Variants in MAST4 observed in about 807,000 individuals in gnomAD.
The protein encoded by MAST4 is microtubule associated serine/threonine kinase family member 4.
In MAST4, 89 loss-of-function variants were observed where a neutral mutation model predicts 162.7. The ratio of observed to expected loss-of-function variants is 0.55; its 90% confidence interval spans 0.46 to 0.65. The LOEUF is 0.65. Ranked by LOEUF, MAST4 falls within the 30% of genes least tolerant of loss-of-function variation. The pLI is 0.00. For missense variants in MAST4, 3,153 were observed against 3,374.0 expected (o/e 0.93, Z 1.62); for synonymous variants, 1,479 against 1,361.1 (o/e 1.09, Z -1.91).
intron 1 of MAST4, among the ~76,000 whole-genome samples, chr5:66,643,927 C>T (rs777572702): frequency 4.1e-5 from 6 of 145,430 alleles, no homozygotes; most frequent in Non-Finnish European, 9.0e-5. Flanking sequence ...AAATAGCCTT[C>T]AGAAGTATAA....
At chr5:66,704,720 T>G (rs1750017885) in intron 1 of MAST4, among the ~76,000 whole-genome samples, 1 of 152,104 alleles carries the variant, frequency 6.6e-6, no homozygotes, top group African/African-American at 2.4e-5. Context: ...CAGGATGGTC[T>G]CTATCTCCTG....
chr5:66,785,498 G>A (rs1755071981), intron 2 of MAST4, among the ~76,000 whole-genome samples: 1 of 152,148 alleles, frequency 6.6e-6, no homozygotes, highest in South Asian at 2.1e-4. Context: ...TTGTGTAGCT[G>A]TATCCTCTTG....
intron 3 of MAST4, among the ~76,000 whole-genome samples, chr5:66,855,735 C>T (rs1395472009): frequency 6.6e-6 from 1 of 152,192 alleles, no homozygotes; most frequent in Non-Finnish European, 1.5e-5. Flanking sequence ...ATGTATGCAC[C>T]ACCAGCTCCT....
chr5:66,901,379 T>G lies in MAST4; in HGVS notation c.674+1397T>G, dbSNP rs192312754. Among the ~76,000 whole-genome samples the G allele has an allele frequency of 8.1e-4, 123 of 151,608 alleles. 1 individual carries two copies. The highest frequency in any genetic ancestry group is 1.5e-3 in the South Asian group (7 of 4,790). On this transcript the variant is annotated intron_variant, in intron 4 of 28. Transcript: ENST00000403625. ...AGATTATGTTAATTACAGAATTAGA[T>G]TTCATATTTCTATTTAAGGGTAATT...
chr5:66,792,038 G>T lies in MAST4; in HGVS notation c.642+3244G>T, dbSNP rs530572834. 2.6e-5 allele frequency: 4 copies of T among 153,652 alleles called. No homozygotes were observed. The East Asian group carries it at 7.7e-4, about 30-fold the overall frequency. The allele number at this position is 153,652 out of a possible 1,614,324, so 9.5% of individuals were successfully genotyped here. A position where few individuals can be genotyped will look rare whatever the true frequency, so the allele number is the denominator to read the frequency against. On this transcript the variant is annotated intron_variant, in intron 3 of 28. Transcript: ENST00000403625. Reference sequence around the variant, plus strand: ...ACACAGCTAAAGGGGCATTAAAGTTGATCTGTTTCGTGTTTCTGCCTCATT... The same window carrying T: ...ACACAGCTAAAGGGGCATTAAAGTTTATCTGTTTCGTGTTTCTGCCTCATT...
At chr5:66,754,416 A>G (rs535358228) in intron 1 of MAST4, among the ~76,000 whole-genome samples, 1 of 152,348 alleles carries the variant, frequency 6.6e-6, no homozygotes, top group South Asian at 2.1e-4. Flanking sequence ...TTTTCCACAC[A>G]TGAAGTGTTC....
intron 2 of MAST4, among the ~76,000 whole-genome samples, chr5:66,785,560 A>G (rs1240555827): frequency 1.3e-4 from 20 of 152,116 alleles, no homozygotes; most frequent in Non-Finnish European, 1.0e-4. Flanking sequence ...TACCTATCCC[A>G]TACGATTGTT....
chr5:66,668,513 G>C (rs1300848677), intron 1 of MAST4, among the ~76,000 whole-genome samples: 2 of 152,180 alleles, frequency 1.3e-5, no homozygotes, highest in Non-Finnish European at 2.9e-5. Flanking sequence ...TGAATCGGGG[G>C]TATGTTAGTG....
chr5:67,005,952 C>T (rs1751976169), intron 4 of MAST4, among the ~76,000 whole-genome samples: 1 of 152,212 alleles, frequency 6.6e-6, no homozygotes, highest in African/African-American at 2.4e-5. Context: ...AAACAGGATG[C>T]AGGCTCTCAG....
At chr5:66,791,016 T>C (rs1285275571) in intron 3 of MAST4, among the ~76,000 whole-genome samples, 1 of 152,148 alleles carries the variant, frequency 6.6e-6, no homozygotes, top group African/African-American at 2.4e-5. Flanking sequence ...TCTTAAGTAA[T>C]ATATCTTCTT....
chr5:66,755,365 A>T (rs188142113), intron 1 of MAST4, among the ~76,000 whole-genome samples: 6 of 152,350 alleles, frequency 3.9e-5, no homozygotes, highest in Admixed American at 1.3e-4. Flanking sequence ...GTTAATATTT[A>T]AAAACTATGA....
At position 67,165,474 on chromosome 5, in the gene MAST4, A is replaced by G. The variant is rs770376118; in HGVS notation, c.6295A>G (p.Ser2099Gly). The change falls in exon 29 of 29, where the codon AGT (serine) becomes GGT (glycine). Residue 2099 changes from serine to glycine, a missense_variant. By Grantham distance (56) the Ser-to-Gly change is moderately conservative (BLOSUM62 0). Transcript: ENST00000403625. ...GTCTCTGCAGCCACCTGGAATTGAG[A>G]GTGAGAAGAGTGAAAAGCTCTCCAG... ...RRSLQPPGIE[S>G]EKSEKLSSFP... is the part of the protein sequence containing the mutation. The G allele has an allele frequency of 2.5e-5, 40 of 1,613,934 alleles. 2 individuals are homozygous for G. In the Admixed American group the frequency reaches 6.5e-4, roughly 26 times the overall value.
intron 4 of MAST4, among the ~76,000 whole-genome samples, chr5:66,988,918 T>A (rs180801217): frequency 6.6e-6 from 1 of 152,358 alleles, no homozygotes; most frequent in Admixed American, 6.5e-5. Flanking sequence ...ACAGCTTTAT[T>A]CAGGGAAATA....
intron 3 of MAST4, among the ~76,000 whole-genome samples, chr5:66,888,128 A>G (rs1762157149): frequency 6.6e-6 from 1 of 152,330 alleles, no homozygotes; most frequent in East Asian, 1.9e-4. Flanking sequence ...ATCTTTACTT[A>G]TTAAGTGATA....
intron 1 of MAST4, among the ~76,000 whole-genome samples, chr5:66,704,825 G>A (rs1482800290): frequency 1.3e-5 from 2 of 152,106 alleles, no homozygotes; most frequent in Non-Finnish European, 2.9e-5. Context: ...TGTTGTTCTT[G>A]CTCCTTCACT....
intron 2 of MAST4, among the ~76,000 whole-genome samples, chr5:66,773,236 A>G (rs1168772342): frequency 2.6e-5 from 4 of 152,246 alleles, no homozygotes; most frequent in Admixed American, 2.6e-4. Context: ...TGTTTCTGAT[A>G]TATTAATGAC....
At chr5:67,055,390 G>A (rs932531771) in intron 5 of MAST4, among the ~76,000 whole-genome samples, 4 of 152,148 alleles carry the variant, frequency 2.6e-5, no homozygotes, top group African/African-American at 9.7e-5. Context: ...GTACTCTTGT[G>A]AAAACTCTAA....
intron 1 of MAST4, among the ~76,000 whole-genome samples, chr5:66,663,683 G>T (rs917383391): frequency 6.6e-6 from 1 of 152,162 alleles, no homozygotes; most frequent in Non-Finnish European, 1.5e-5. Flanking sequence ...AATAGAGTGG[G>T]CAAGGGACAT....
At chr5:66,680,204 TC>T (rs1748237312) in intron 1 of MAST4, among the ~76,000 whole-genome samples, 1 of 152,206 alleles carries the variant, frequency 6.6e-6, no homozygotes, top group African/African-American at 2.4e-5. Context: ...ATTTACTAGT[TC>T]CTGGCTCCTT....
Sources: gnomAD v4.1 joint callset for allele counts (sites outside exome capture counted in the v4.1 genomes callset) on GRCh38, gnomAD v4.1.1 for gene constraint, MANE v1.5 for transcripts, NCBI Gene and HGNC (gene_info 2026-07-23, HGNC 2026-07-21) for gene names.